The following AGBL1 variants were observed in gnomAD, a reference collection of about 807,000 sequenced individuals.
AGBL1 encodes cytosolic carboxypeptidase 4.
In AGBL1, 130 loss-of-function variants were observed where a neutral mutation model predicts 118.9. The ratio of observed to expected loss-of-function variants is 1.09; its 90% CI spans 0.95 to 1.26. The LOEUF (loss-of-function observed/expected upper bound fraction) is 1.26, where lower values mean the gene tolerates loss of function less well. Ranked by LOEUF, AGBL1 falls within the 50% of genes most tolerant of loss-of-function variation. The pLI, the probability that AGBL1 is intolerant of heterozygous loss-of-function variation, is 0.00. For synonymous variants in AGBL1, 555 were observed against 478.9 expected, an observed-to-expected ratio of 1.16 and a Z score of -2.08; for missense variants, 1,584 against 1,298.1, an observed-to-expected ratio of 1.22 and a Z score of -3.38.
intron 18 of AGBL1, among the ~76,000 whole-genome samples, chr15:86,442,594 T>C (rs2082077866): frequency 6.6e-6 from 1 of 152,212 alleles, no homozygotes; most frequent in African/African-American, 2.4e-5. Flanking sequence ...CTTCCTTCAT[T>C]CAATCCACCA....
intron 18 of AGBL1, among the ~76,000 whole-genome samples, chr15:86,428,398 G>A (rs1417880893): frequency 6.6e-6 from 1 of 152,176 alleles, no homozygotes; most frequent in Admixed American, 6.5e-5. Context: ...TCCAGGGAAG[G>A]CAGATACACA....
At chr15:86,089,169 A>G (rs1375341477) in intron 1 of AGBL1, among the ~76,000 whole-genome samples, 1 of 152,210 alleles carries the variant, frequency 6.6e-6, no homozygotes, top group Non-Finnish European at 1.5e-5. Flanking sequence ...ATGGTTTTAG[A>G]CCAATGCCAT....
chr15:86,550,192 T>C (rs2142262038), intron 20 of AGBL1, among the ~76,000 whole-genome samples: 1 of 151,924 alleles, frequency 6.6e-6, no homozygotes, highest in Admixed American at 6.6e-5. Flanking sequence ...TTTGAAGATA[T>C]AATGAGAGAA....
intron 5 of AGBL1, among the ~76,000 whole-genome samples, chr15:86,214,266 T>G (rs1367298913): frequency 6.6e-6 from 1 of 152,224 alleles, no homozygotes; most frequent in Non-Finnish European, 1.5e-5. Context: ...ATCACATCTT[T>G]TCTTTTGTGC....
At chr15:86,080,082 C>T in intron 1 of AGBL1, 59 bp downstream of exon 1, 1 of 1,209,314 alleles carries the variant, frequency 8.3e-7, no homozygotes, top group South Asian at 4.2e-5. Context: ...CTGGGCTGGC[C>T]TGCCTGGGAG....
At chr15:86,778,354 C>T in intron 22 of AGBL1, among the ~76,000 whole-genome samples, 1 of 152,124 alleles carries the variant, frequency 6.6e-6, no homozygotes, top group Non-Finnish European at 1.5e-5. Context: ...TGAGAGCAGA[C>T]AACCAGTCTG....
intron 1 of AGBL1, among the ~76,000 whole-genome samples, chr15:86,119,175 G>T (rs1417331816): frequency 6.6e-6 from 1 of 152,168 alleles, no homozygotes; most frequent in Non-Finnish European, 1.5e-5. Context: ...CACACTCTGG[G>T]TTTAGTAAAG....
intron 1 of AGBL1, among the ~76,000 whole-genome samples, chr15:86,128,902 C>T (rs144372333): frequency 2.4e-4 from 36 of 152,234 alleles, no homozygotes; most frequent in African/African-American, 6.0e-4. Context: ...TATTTACAAC[C>T]GCATCTCCAG....
intron 18 of AGBL1, among the ~76,000 whole-genome samples, chr15:86,513,474 T>C (rs892492905): frequency 3.3e-5 from 5 of 152,194 alleles, no homozygotes; most frequent in African/African-American, 1.2e-4. Flanking sequence ...TTGAATAAAG[T>C]GGTATCTTCC....
chr15:86,636,462 A>G (rs973141558), intron 21 of AGBL1, among the ~76,000 whole-genome samples: 1 of 148,150 alleles, frequency 6.7e-6, no homozygotes, highest in Non-Finnish European at 1.5e-5. Context: ...AAGAGGGGAC[A>G]TGAGAAAAGT....
chr15:87,007,630 T>C (rs2081518284), intron 24 of AGBL1, among the ~76,000 whole-genome samples: 1 of 152,026 alleles, frequency 6.6e-6, no homozygotes, highest in South Asian at 2.1e-4. Flanking sequence ...GGAGGGAAAA[T>C]ATAAAGGATA....
At chr15:86,403,750 G>C (rs1404556413) in intron 18 of AGBL1, among the ~76,000 whole-genome samples, 1 of 152,170 alleles carries the variant, frequency 6.6e-6, no homozygotes, top group Non-Finnish European at 1.5e-5. Context: ...TAAACAGCTG[G>C]TGTTACAGAG....
At chr15:86,323,869 G>A (rs2080143158) in intron 17 of AGBL1, among the ~76,000 whole-genome samples, 1 of 152,074 alleles carries the variant, frequency 6.6e-6, no homozygotes, top group African/African-American at 2.4e-5. Context: ...TCTCTTCATG[G>A]TGTCTTTCCT....
chr15:86,160,441 TG>T (rs1410093535), intron 5 of AGBL1, among the ~76,000 whole-genome samples: 1 of 152,206 alleles, frequency 6.6e-6, no homozygotes, highest in Non-Finnish European at 1.5e-5. Context: ...CCCCACTTCC[TG>T]GGGTACATCT....
At chr15:86,689,218 G>A (rs2086117406) in intron 22 of AGBL1, among the ~76,000 whole-genome samples, 1 of 152,030 alleles carries the variant, frequency 6.6e-6, no homozygotes, top group Non-Finnish European at 1.5e-5. Context: ...TGCATAGCTG[G>A]CTCCTCTTTG....
At chr15:86,501,181 C>T (rs1188993281) in intron 18 of AGBL1, among the ~76,000 whole-genome samples, 1 of 151,544 alleles carries the variant, frequency 6.6e-6, no homozygotes, top group Non-Finnish European at 1.5e-5. Flanking sequence ...TTGTCATTTT[C>T]TATATTTTAG....
chr15:86,597,181 T>C (rs2084423263), intron 21 of AGBL1, among the ~76,000 whole-genome samples: 1 of 139,302 alleles, frequency 7.2e-6, no homozygotes, highest in African/African-American at 2.9e-5. Flanking sequence ...CCATCTCTCT[T>C]ATCTAGCTAG....
intron 22 of AGBL1, among the ~76,000 whole-genome samples, chr15:86,765,267 A>G (rs545633774): frequency 2.0e-5 from 3 of 151,994 alleles, no homozygotes; most frequent in Admixed American, 6.6e-5. Flanking sequence ...GCTTTTTCCA[A>G]CAAATAATCA....
chr15:86,226,395 T>TC (rs1386756049), intron 6 of AGBL1, among the ~76,000 whole-genome samples: 6 of 151,744 alleles, frequency 4.0e-5, no homozygotes, highest in Non-Finnish European at 8.8e-5. Context: ...ATCTCTCAAA[T>TC]CCCCCCAGCC....
Sources: allele counts gnomAD v4.1 joint callset (sites outside exome capture counted in the v4.1 genomes callset), GRCh38; gene constraint gnomAD v4.1.1; transcripts MANE v1.5; gene names NCBI Gene and HGNC (gene_info 2026-07-23, HGNC 2026-07-21).